The following DEXI variants were observed in gnomAD, a reference collection of about 807,000 sequenced individuals.
DEXI encodes the protein dexamethasone-induced protein.
In DEXI, 2 loss-of-function variants were observed where a neutral mutation model predicts 2.5. The ratio of observed to expected loss-of-function variants is 0.81; its 90% CI spans 0.33 to 2.55. The LOEUF (loss-of-function observed/expected upper bound fraction) is 2.55, where lower values mean the gene tolerates loss of function less well. Ranked by LOEUF, DEXI falls within the 30% of genes most tolerant of loss-of-function variation. DEXI has a pLI of 0.11. For synonymous variants in DEXI, 71 were observed against 68.7 expected, an observed-to-expected ratio of 1.03 and a Z score of -0.17; for missense variants, 108 against 130.3, an observed-to-expected ratio of 0.83 and a Z score of 0.83.
At chr16:10,930,556 A>C (rs985541538) in intron 1 of DEXI, 15 of 152,238 alleles carry the variant, frequency 9.9e-5, no homozygotes, top group Non-Finnish European at 2.2e-4. Context: ...ATAGGATAAG[A>C]AATTGAGGTT....
In DEXI at chr16:10,940,033, G is replaced by A. The variant is rs2041080263; in HGVS notation, c.*149+1536C>T. The A allele has an allele frequency of 6.6e-6, 1 of 152,252 alleles. No individual in the cohort carries two copies. Among genetic ancestry groups the A allele is most frequent in the African/African-American group, 2.4e-5 (1 of 41,458 alleles). The allele number at this position is 152,252 out of a possible 1,614,324, so 9.4% of individuals were successfully genotyped here. A position where few individuals can be genotyped will look rare whatever the true frequency, so the allele number is the denominator to read the frequency against. On this transcript the variant is annotated intron_variant, in intron 1 of 1. Coordinates refer to ENST00000331808, the MANE Select transcript of DEXI (RefSeq NM_014015.4). The surrounding 1 kb of genome is among the most constrained non-coding windows in gnomAD (Gnocchi z 4.2). ...TGGCACACACTCCCCCTGGCACTTG[G>A]TTCTCGCTAAGATGTTACTGAGCTC...
rs752464519 is a variant in DEXI, at chr16:10,941,685, C to A, written c.*33G>T. On this transcript the variant is annotated 3_prime_UTR_variant, in exon 1 of 2. Transcript: ENST00000331808. This position sits in a 1 kb window ranked among gnomAD's most constrained non-coding sequence, Gnocchi z 6.4. ...CTGGTCCAGGGCATGGGTTGCGGAT[C>A]GTGTAGGGAAGAGGGGAACAGCAGT... The A allele has an allele frequency of 2.5e-6, 4 of 1,570,414 alleles. No homozygotes were observed. Among genetic ancestry groups the A allele is most frequent in the African/African-American group, 1.4e-5 (1 of 73,978 alleles).
rs1055072418 is a variant in DEXI at position 10,939,640 on chromosome 16, C to A, written c.*149+1929G>T. ...ATCTCCTTAGAGAGGCTTTCTCTGACCCCTCAGCTAAAGCAGCCCACCATC... is the reference window on the plus strand; with the variant it reads ...ATCTCCTTAGAGAGGCTTTCTCTGAACCCTCAGCTAAAGCAGCCCACCATC... On this transcript the variant is annotated intron_variant, in intron 1 of 1. Coordinates refer to ENST00000331808, the MANE Select transcript of DEXI (RefSeq NM_014015.4). This position sits in a 1 kb window ranked among gnomAD's most constrained non-coding sequence, Gnocchi z 4.9. The A allele has an allele frequency of 2.6e-5, 4 of 152,262 alleles. No individual in the cohort carries two copies. The highest frequency in any genetic ancestry group is 6.5e-5 in the Admixed American group (1 of 15,284). 9.4% of individuals were successfully genotyped at this position (152,262 alleles called of 1,614,324 possible). A position where few individuals can be genotyped will look rare whatever the true frequency, so the allele number is the denominator to read the frequency against.
chr16:10,931,596 C>T (rs1460969003), intron 1 of DEXI: 1 of 152,234 alleles, frequency 6.6e-6, no homozygotes, highest in African/African-American at 2.4e-5. Context: ...GTAATCCCAA[C>T]ACTTTGGGAG....
intron 1 of DEXI, chr16:10,931,108 T>G (rs1469159620): frequency 6.6e-6 from 1 of 152,428 alleles, no homozygotes; most frequent in Non-Finnish European, 1.5e-5. Flanking sequence ...GAGGATCACT[T>G]GAGGCCAGGA....
Position 10,942,264 on chromosome 16 carries a change from C to T in DEXI, c.-259G>A. 2.9e-6 allele frequency: 1 copy of T among 341,940 alleles called. No individual in the cohort carries two copies. The highest frequency in any genetic ancestry group is 5.3e-6 in the Non-Finnish European group (1 of 188,200). 21.2% of individuals were successfully genotyped at this position (341,940 alleles called of 1,614,324 possible). On this transcript the variant is annotated 5_prime_UTR_variant, in exon 1 of 2. Transcript: ENST00000331808. This position sits in a 1 kb window ranked among gnomAD's most constrained non-coding sequence, Gnocchi z 5.0. ...AGGCGGGCCCCCCTGAAGTGGCCCG[C>T]GGCTGCCCGGCTCCCTCGTGGCGCC...
intron 1 of DEXI, chr16:10,932,422 G>C (rs1297106314): frequency 3.9e-5 from 6 of 152,318 alleles, no homozygotes; most frequent in Non-Finnish European, 8.8e-5. Flanking sequence ...AGCTCAGAGA[G>C]GTTAAGCAAG....
At position 10,938,338 on chromosome 16, in the gene DEXI, G is replaced by C. The variant is rs74245513; in HGVS notation, c.*149+3231C>G. On this transcript the variant is annotated intron_variant, in intron 1 of 1. Coordinates refer to ENST00000331808, the MANE Select transcript of DEXI (RefSeq NM_014015.4). This position sits in a 1 kb window ranked among gnomAD's most constrained non-coding sequence, Gnocchi z 4.9. ...AAGTAGGTGCTCAGCAAATGTTTGA[G>C]GAACTGAATTATGTGGGTCCACACA... The C allele has an allele frequency of 6.6e-6, 1 of 151,170 alleles. No homozygotes were observed. Among genetic ancestry groups the C allele is most frequent in the African/African-American group, 2.4e-5 (1 of 41,052 alleles). 9.4% of individuals were successfully genotyped at this position (151,170 alleles called of 1,614,324 possible).
rs750751772 is a variant in DEXI, at chr16:10,941,835, G to A, written c.171C>T (p.Val57=). Residue 57 remains valine (V), a synonymous_variant, in exon 1 of 2, where the codon GTC becomes GTT. Transcript: ENST00000331808. This position sits in a 1 kb window ranked among gnomAD's most constrained non-coding sequence, Gnocchi z 6.4. Reference sequence around the variant, plus strand: ...CCTGGTCCATGTCCTCGGGCAGGAAGACGAGGCCCACGTTGAGGACGATGT... The same window carrying A: ...CCTGGTCCATGTCCTCGGGCAGGAAAACGAGGCCCACGTTGAGGACGATGT... ...MEYIVLNVGL[V]FLPEDMDQAL... 8.7e-6 allele frequency: 14 copies of A among 1,613,390 alleles called. No individual in the cohort carries two copies. Among genetic ancestry groups the A allele is most frequent in the Middle Eastern group, 1.8e-4 (1 of 5,638 alleles).
At position 10,937,539 on chromosome 16, in the gene DEXI, C is replaced by T. The variant is rs959415990; in HGVS notation, c.*149+4030G>A. ...AGACCAATGCATCGATAACCCTCAG[C>T]TCCAAATCTGAGCTGCACCAGGACA... On this transcript the variant is annotated intron_variant, in intron 1 of 1. Transcript: ENST00000331808. The surrounding 1 kb of genome is among the most constrained non-coding windows in gnomAD (Gnocchi z 4.2). 1.3e-5 allele frequency: 2 copies of T among 152,264 alleles called. No homozygotes were observed. The highest frequency in any genetic ancestry group is 6.5e-5 in the Admixed American group (1 of 15,288). 9.4% of individuals were successfully genotyped at this position (152,264 alleles called of 1,614,324 possible).
In DEXI at chr16:10,929,669, G is replaced by GGGGAT. The variant is rs1237813267; in HGVS notation, c.*150-111_*150-110insATCCC. ...GGCTCGGGAGGCTTGGGGTGGGGCA[G>GGGGAT]GGAAGTCTTCCTCCATCCCTCAAAT... On this transcript the variant is annotated intron_variant, in intron 1 of 1. Coordinates refer to ENST00000331808, the MANE Select transcript of DEXI (RefSeq NM_014015.4). The surrounding 1 kb of genome is among the most constrained non-coding windows in gnomAD (Gnocchi z 4.3). 1.7e-6 allele frequency: 1 copy of GGGGAT among 602,468 alleles called. No individual in the cohort carries two copies. The highest frequency in any genetic ancestry group is 2.1e-6 in the Non-Finnish European group (1 of 480,240). 37.3% of individuals were successfully genotyped at this position (602,468 alleles called of 1,614,324 possible).
At position 10,941,182 on chromosome 16, in the gene DEXI, C is replaced by T. The variant is rs1463525785; in HGVS notation, c.*149+387G>A. The T allele has an allele frequency of 6.5e-6, 1 of 154,904 alleles. No individual in the cohort carries two copies. Among genetic ancestry groups the T allele is most frequent in the Non-Finnish European group, 1.4e-5 (1 of 69,784 alleles). The allele number at this position is 154,904 out of a possible 1,614,324, so 9.6% of individuals were successfully genotyped here. On this transcript the variant is annotated intron_variant, in intron 1 of 1. Transcript: ENST00000331808. This position sits in a 1 kb window ranked among gnomAD's most constrained non-coding sequence, Gnocchi z 6.4. ...CTGACACCCCTAAATCTTTATCCTT[C>T]TAGGACAAGCGAGAATCCCCCAAAA...
Position 10,941,463 on chromosome 16 carries a change from A to G in DEXI, c.*149+106T>C, listed in dbSNP as rs2041100795. On this transcript the variant is annotated intron_variant, in intron 1 of 1. Coordinates refer to ENST00000331808, the MANE Select transcript of DEXI (RefSeq NM_014015.4). This position sits in a 1 kb window ranked among gnomAD's most constrained non-coding sequence, Gnocchi z 6.4. ...ATCCAGTTAGACCTGGAGGAGGTGAACGGAGGAGAAGCCTGAGGGAGGGGT... is the reference window on the plus strand; with the variant it reads ...ATCCAGTTAGACCTGGAGGAGGTGAGCGGAGGAGAAGCCTGAGGGAGGGGT... 1.7e-6 allele frequency: 2 copies of G among 1,159,542 alleles called. No individual in the cohort carries two copies. Among genetic ancestry groups the G allele is most frequent in the Admixed American group, 7.2e-5 (2 of 27,724 alleles). 71.8% of individuals were successfully genotyped at this position (1,159,542 alleles called of 1,614,324 possible).
rs1280562725 is a variant in DEXI at position 10,938,733 on chromosome 16, T to A, written c.*149+2836A>T. 1 of 152,206 alleles carries A rather than the reference T, an allele frequency of 6.6e-6. No individual in the cohort carries two copies. The highest frequency in any genetic ancestry group is 1.9e-4 in the East Asian group (1 of 5,200). 9.4% of individuals were successfully genotyped at this position (152,206 alleles called of 1,614,324 possible). On this transcript the variant is annotated intron_variant, in intron 1 of 1. Transcript: ENST00000331808. The surrounding 1 kb of genome is among the most constrained non-coding windows in gnomAD (Gnocchi z 4.9). The stretch of plus-strand genomic sequence containing the variant: ...GGAGGAGGGAAGGCTGTGCATGGCT[T>A]CCACCACTTCTCCAGGCCTCCCCAC...
Position 10,938,610 on chromosome 16 carries a change from G to A in DEXI, c.*149+2959C>T, listed in dbSNP as rs913671013. The A allele has an allele frequency of 2.6e-5, 4 of 152,170 alleles. No homozygotes were observed. Among genetic ancestry groups the A allele is most frequent in the African/African-American group, 9.7e-5 (4 of 41,426 alleles). 9.4% of individuals were successfully genotyped at this position (152,170 alleles called of 1,614,324 possible). ...TCAGATCATCTTGAGGTCTTTCCTGGCGGCTTCCCTGCTGCTAGCTACCCC... is the reference window on the plus strand; with the variant it reads ...TCAGATCATCTTGAGGTCTTTCCTGACGGCTTCCCTGCTGCTAGCTACCCC... On this transcript the variant is annotated intron_variant, in intron 1 of 1. Coordinates refer to ENST00000331808, the MANE Select transcript of DEXI (RefSeq NM_014015.4). This position sits in a 1 kb window ranked among gnomAD's most constrained non-coding sequence, Gnocchi z 4.9.
Position 10,941,693 on chromosome 16 carries a change from G to A in DEXI, c.*25C>T. ...GGGCATGGGTTGCGGATCGTGTAGG[G>A]AAGAGGGGAACAGCAGTCGAGACCC... On this transcript the variant is annotated 3_prime_UTR_variant, in exon 1 of 2. Transcript: ENST00000331808. The surrounding 1 kb of genome is among the most constrained non-coding windows in gnomAD (Gnocchi z 6.4). The A allele has an allele frequency of 6.3e-7, 1 of 1,587,826 alleles. No homozygotes were observed. The highest frequency in any genetic ancestry group is 1.2e-5 in the South Asian group (1 of 86,326).
chr16:10,941,345 G>A lies in DEXI; in HGVS notation c.*149+224C>T, dbSNP rs1005103798. 2 of 208,370 alleles carry A rather than the reference G, an allele frequency of 9.6e-6. No individual in the cohort carries two copies. The highest frequency in any genetic ancestry group is 2.3e-5 in the African/African-American group (1 of 43,040). The allele number at this position is 208,370 out of a possible 1,614,324, so 12.9% of individuals were successfully genotyped here. ...GCTACCCCAAATGTAACTTAGTCTC[G>A]GGGTCTCCTTCCTTTTCACCAGCTG... On this transcript the variant is annotated intron_variant, in intron 1 of 1. Transcript: ENST00000331808. The surrounding 1 kb of genome is among the most constrained non-coding windows in gnomAD (Gnocchi z 6.4).
At position 10,940,169 on chromosome 16, in the gene DEXI, C is replaced by G. The variant is rs140140335; in HGVS notation, c.*149+1400G>C. 8.5e-5 allele frequency: 13 copies of G among 152,402 alleles called. No homozygotes were observed. The East Asian group carries it at 2.5e-3, about 29-fold the overall frequency. The allele number at this position is 152,402 out of a possible 1,614,324, so 9.4% of individuals were successfully genotyped here. Reference sequence around the variant, plus strand: ...CCCCACCCTGTACCACCATCTGCAACAGACTCAATGTTTGTGTCTCCTCAA... The same window carrying G: ...CCCCACCCTGTACCACCATCTGCAAGAGACTCAATGTTTGTGTCTCCTCAA... On this transcript the variant is annotated intron_variant, in intron 1 of 1. Coordinates refer to ENST00000331808, the MANE Select transcript of DEXI (RefSeq NM_014015.4). The surrounding 1 kb of genome is among the most constrained non-coding windows in gnomAD (Gnocchi z 4.2).
Position 10,942,195 on chromosome 16 carries a change from C to A in DEXI, c.-190G>T, listed in dbSNP as rs2041111543. 2.5e-5 allele frequency: 11 copies of A among 445,878 alleles called. No homozygotes were observed. In the South Asian group the frequency reaches 5.8e-4, roughly 23 times the overall value. 27.6% of individuals were successfully genotyped at this position (445,878 alleles called of 1,614,324 possible). ...GAAATGCGCCGGGCGGGTCACCGCA[C>A]CCCGAGATGTGCCCCCAAGGATCTC... On this transcript the variant is annotated 5_prime_UTR_variant, in exon 1 of 2. Coordinates refer to ENST00000331808, the MANE Select transcript of DEXI (RefSeq NM_014015.4). The surrounding 1 kb of genome is among the most constrained non-coding windows in gnomAD (Gnocchi z 5.0).
Sources: gnomAD v4.1 joint callset for allele counts on GRCh38, gnomAD v4.1.1 for gene constraint, Gnocchi (gnomAD v3.1) non-coding constraint, MANE v1.5 for transcripts, NCBI Gene and HGNC (gene_info 2026-07-23, HGNC 2026-07-21) for gene names.